Variants in SLC44A5 observed in about 807,000 individuals in gnomAD.
SLC44A5 encodes the protein solute carrier family 44 member 5, also known as choline transporter-like protein 5.
In SLC44A5, 57 loss-of-function variants were observed where a neutral mutation model predicts 101.8. That is an observed-to-expected ratio of 0.56 (90% CI 0.45 to 0.70). The LOEUF is 0.70. Ranked by LOEUF, SLC44A5 falls within the 30% of genes least tolerant of loss-of-function variation. The pLI is 0.00. For missense variants in SLC44A5, 737 were observed against 853.1 expected (o/e 0.86, Z 1.70); for synonymous variants, 281 against 290.9 (o/e 0.97, Z 0.35).
intron 4 of SLC44A5, among the ~76,000 whole-genome samples, chr1:75,337,313 AG>A (rs576666788): frequency 1.2e-3 from 189 of 152,318 alleles, no homozygotes; most frequent in Non-Finnish European, 2.0e-3. Context: ...TGGGCTTATC[AG>A]TAGGCTTCCT....
At chr1:75,472,141 T>A (rs1228557522) in intron 2 of SLC44A5, among the ~76,000 whole-genome samples, 1 of 148,440 alleles carries the variant, frequency 6.7e-6, no homozygotes, top group Non-Finnish European at 1.5e-5. Context: ...CTCAAGCCAC[T>A]GGGAATAGAG....
chr1:75,693,412 T>C, the SLC44A5 span, among the ~76,000 whole-genome samples: 2 of 152,186 alleles, frequency 1.3e-5, no homozygotes, highest in African/African-American at 2.4e-5. Flanking sequence ...ACAAACCCAC[T>C]GCCTCCTAGT....
intron 5 of SLC44A5, among the ~76,000 whole-genome samples, chr1:75,284,316 A>G (rs968456377): frequency 5.3e-5 from 8 of 152,122 alleles, no homozygotes; most frequent in African/African-American, 1.9e-4. Context: ...CACTTTGTGT[A>G]TAGCAGTGCT....
the SLC44A5 span, among the ~76,000 whole-genome samples, chr1:75,622,616 G>A: frequency 6.6e-6 from 1 of 152,086 alleles, no homozygotes; most frequent in Admixed American, 6.6e-5. Flanking sequence ...GACCTGGCTT[G>A]AGTGAGACAG....
intron 3 of SLC44A5, among the ~76,000 whole-genome samples, chr1:75,378,911 G>T (rs796839612): frequency 0.076 from 4,966 of 65,104 alleles, 298 homozygotes; most frequent in South Asian, 0.15. Context: ...AGCACCACAG[G>T]GCAGGGCGCC....
chr1:75,705,949 A>G, the SLC44A5 span, among the ~76,000 whole-genome samples: 1 of 152,206 alleles, frequency 6.6e-6, no homozygotes, highest in Non-Finnish European at 1.5e-5. Flanking sequence ...AATTGCTAGG[A>G]TTACAGGTGT....
chr1:75,421,331 G>A (rs1663991525), intron 2 of SLC44A5, among the ~76,000 whole-genome samples: 1 of 152,092 alleles, frequency 6.6e-6, no homozygotes, highest in Non-Finnish European at 1.5e-5. Context: ...TATTTCGCCT[G>A]AAGACTGCAA....
chr1:75,464,561 C>T (rs1406336484), intron 2 of SLC44A5, among the ~76,000 whole-genome samples: 4 of 151,850 alleles, frequency 2.6e-5, no homozygotes, highest in Admixed American at 2.6e-4. Flanking sequence ...TTAATAATAA[C>T]GTTGAATGTA....
intron 6 of SLC44A5, 136 bp downstream of exon 6, chr1:75,274,822 G>T: frequency 1.5e-6 from 1 of 675,804 alleles, no homozygotes; most frequent in Non-Finnish European, 2.5e-6. Context: ...ATAGCTATCT[G>T]TTAGAAAAAA....
chr1:75,645,335 G>A, the SLC44A5 span, among the ~76,000 whole-genome samples: 1 of 152,086 alleles, frequency 6.6e-6, no homozygotes, highest in Non-Finnish European at 1.5e-5. Context: ...GGTGTAAGGT[G>A]GTATCTCATT....
At chr1:75,230,106 A>G (rs1326260866) in intron 12 of SLC44A5, among the ~76,000 whole-genome samples, 2 of 152,168 alleles carry the variant, frequency 1.3e-5, no homozygotes, top group African/African-American at 4.8e-5. Context: ...TGTTTAGCTT[A>G]TCAATTAGTT....
At position 75,599,238 on chromosome 1, in the gene SLC44A5, C is replaced by T. The variant is rs538263868; in HGVS notation, c.-70+11802G>A. Among the ~76,000 whole-genome samples the T allele has an allele frequency of 3.3e-5, 5 of 152,142 alleles. No individual in the cohort carries two copies. In the South Asian group the frequency reaches 1.0e-3, roughly 32 times the overall value. Reference sequence around the variant, plus strand: ...CTAGTAATGGGTATCTAGGAAGGGACAAAAAGATTGGGAGCAACGCTAAGA... The same window carrying T: ...CTAGTAATGGGTATCTAGGAAGGGATAAAAAGATTGGGAGCAACGCTAAGA... On this transcript the variant is annotated intron_variant, in intron 1 of 23. Transcript: ENST00000370859.
In SLC44A5 at chr1:75,514,016, A is replaced by T. The variant is rs573461626; in HGVS notation, c.13+27419T>A. On this transcript the variant is annotated intron_variant, in intron 2 of 23. Transcript: ENST00000370859. ...ACCACAGCTGGCTAATTTAAAAAAA[A>T]TTTTTTTTTGTAGAGCTGGAGTCTC... is the stretch of plus-strand genomic sequence containing the variant. 3.9e-4 allele frequency among the ~76,000 whole-genome samples: 59 copies of T among 151,626 alleles called. No individual in the cohort carries two copies. The South Asian group carries it at 6.1e-3, about 16-fold the overall frequency.
At position 75,378,141 on chromosome 1, in the gene SLC44A5, A is replaced by G. The variant is rs867060831; in HGVS notation, c.52+18442T>C. On this transcript the variant is annotated intron_variant, in intron 3 of 23. Transcript: ENST00000370859. ...GACAAGTCGACGAGAGATCCCAAGTACGTCTACAGTCAGCCTTACAGTAAG... is the reference window on the plus strand; with the variant it reads ...GACAAGTCGACGAGAGATCCCAAGTGCGTCTACAGTCAGCCTTACAGTAAG... 8.6e-5 allele frequency among the ~76,000 whole-genome samples: 7 copies of G among 80,964 alleles called. No homozygotes were observed. The South Asian group carries it at 1.5e-3, about 17-fold the overall frequency. The allele number at this position is 80,964 out of a possible 152,430, so 53.1% of individuals were successfully genotyped here.
chr1:75,286,612 G>C (rs1468958896), intron 5 of SLC44A5, among the ~76,000 whole-genome samples: 3 of 152,066 alleles, frequency 2.0e-5, no homozygotes, highest in African/African-American at 7.2e-5. Context: ...GGTGTATTTT[G>C]AGGATTCGTT....
chr1:75,517,464 T>C (rs1040476864), intron 2 of SLC44A5, among the ~76,000 whole-genome samples: 23 of 140,112 alleles, frequency 1.6e-4, no homozygotes, highest in Admixed American at 5.6e-4. Context: ...AAAAAAGGAG[T>C]GGAGGTGGAT....
chr1:75,295,464 T>C (rs1653892875), intron 5 of SLC44A5, among the ~76,000 whole-genome samples: 1 of 152,198 alleles, frequency 6.6e-6, no homozygotes, highest in East Asian at 1.9e-4. Flanking sequence ...ATAGATCAGA[T>C]TGACTCTGAA....
At position 75,242,669 on chromosome 1, in the gene SLC44A5, C is replaced by T. The variant is rs533426746; in HGVS notation, c.471+217G>A. 9.2e-5 allele frequency among the ~76,000 whole-genome samples: 14 copies of T among 152,168 alleles called. No individual in the cohort carries two copies. The Middle Eastern group carries it at 0.01, about 111-fold the overall frequency. The stretch of plus-strand genomic sequence containing the variant: ...GAATAGTAGAAGCTAATTAACCAGA[C>T]ATAACAGTCTTTCATGACACCCCAA... On this transcript the variant is annotated intron_variant, in intron 8 of 23. Transcript: ENST00000370859.
At chr1:75,430,074 G>C (rs1366377958) in intron 2 of SLC44A5, among the ~76,000 whole-genome samples, 1 of 152,150 alleles carries the variant, frequency 6.6e-6, no homozygotes, top group African/African-American at 2.4e-5. Flanking sequence ...GTCTGAATGT[G>C]TCCCCCAACA....
Sources: allele counts gnomAD v4.1 joint callset (sites outside exome capture counted in the v4.1 genomes callset), GRCh38; gene constraint gnomAD v4.1.1; transcripts MANE v1.5; gene names NCBI Gene and HGNC (gene_info 2026-07-23, HGNC 2026-07-21).